RBFOX1: variants seen among roughly 807,000 people sequenced by gnomAD.
RBFOX1 encodes the protein RNA binding fox-1 homolog 1.
RBFOX1 carries 8 observed loss-of-function variants against 57.7 expected under a neutral mutation model. That is an observed-to-expected ratio of 0.14 (90% CI 0.08 to 0.25). The LOEUF (loss-of-function observed/expected upper bound fraction) is 0.25, where lower values mean the gene tolerates loss of function less well. Ranked by LOEUF, RBFOX1 falls within the 10% of genes least tolerant of loss-of-function variation. The probability of loss-of-function intolerance (pLI) is 1.00; values close to 1 mark genes in which losing one functional copy is unlikely to be tolerated. For synonymous variants in RBFOX1, 326 were observed against 222.4 expected (o/e 1.47, Z -4.15); for missense variants, 611 against 548.5 (o/e 1.11, Z -1.14).
chr16:5,410,227 TG>T (rs1464367347), intron 1 of RBFOX1, among the ~76,000 whole-genome samples: 2 of 151,578 alleles, frequency 1.3e-5, no homozygotes, highest in African/African-American at 4.8e-5. Flanking sequence ...AAAAATTAGC[TG>T]GGCATGGTGG....
At chr16:6,654,005 A>G (rs956190989) in intron 2 of RBFOX1, among the ~76,000 whole-genome samples, 5 of 148,222 alleles carry the variant, frequency 3.4e-5, no homozygotes, top group Non-Finnish European at 7.5e-5. Context: ...GGATGGATGG[A>G]TAGAGGAAGG....
intron 3 of RBFOX1, among the ~76,000 whole-genome samples, chr16:6,830,399 G>A (rs1433294240): frequency 1.3e-5 from 2 of 152,040 alleles, no homozygotes; most frequent in African/African-American, 4.8e-5. Flanking sequence ...TTTACTAACG[G>A]GAAGTAATAA....
chr16:7,348,913 G>C (rs1434158168), intron 4 of RBFOX1, among the ~76,000 whole-genome samples: 1 of 152,108 alleles, frequency 6.6e-6, no homozygotes, highest in Non-Finnish European at 1.5e-5. Context: ...CTGCACTCCA[G>C]CCTGGGTGAC....
chr16:6,493,778 C>G (rs1436196976), intron 2 of RBFOX1, among the ~76,000 whole-genome samples: 1 of 152,204 alleles, frequency 6.6e-6, no homozygotes, highest in Non-Finnish European at 1.5e-5. Context: ...CAGATTGCTT[C>G]AGAAACCTGT....
intron 2 of RBFOX1, among the ~76,000 whole-genome samples, chr16:5,504,211 A>G (rs377378015): frequency 1.9e-4 from 29 of 152,306 alleles, no homozygotes; most frequent in African/African-American, 6.7e-4. Context: ...CCCCTGGAGC[A>G]TGTCACCTGA....
chr16:5,573,680 G>A (rs564963743), intron 2 of RBFOX1, among the ~76,000 whole-genome samples: 13 of 152,274 alleles, frequency 8.5e-5, no homozygotes, highest in East Asian at 3.9e-4. Context: ...GAAACAGACC[G>A]GCTGGACGCA....
At chr16:6,410,210 G>A (rs2093414084) in intron 2 of RBFOX1, among the ~76,000 whole-genome samples, 1 of 149,800 alleles carries the variant, frequency 6.7e-6, no homozygotes, top group Non-Finnish European at 1.5e-5. Flanking sequence ...GTGTGCTGGT[G>A]CATATGAATG....
intron 3 of RBFOX1, among the ~76,000 whole-genome samples, chr16:6,956,492 AT>A (rs756619492): frequency 1.2e-4 from 18 of 152,094 alleles, no homozygotes; most frequent in Non-Finnish European, 2.1e-4. Flanking sequence ...GGTATTGAAG[AT>A]TTTAATTTCA....
rs550173973 is a variant in RBFOX1, at chr16:6,270,960, G to T, written c.-126-46035G>T. 9.2e-4 allele frequency among the ~76,000 whole-genome samples: 140 copies of T among 152,308 alleles called. 1 individual carries two copies. In the Middle Eastern group the frequency reaches 0.014, roughly 15 times the overall value. On this transcript the variant is annotated intron_variant, in intron 1 of 15. Coordinates refer to ENST00000550418, the MANE Select transcript of RBFOX1 (RefSeq NM_018723.4). Reference sequence around the variant, plus strand: ...CGAATAAATTCCATGGATTAAAGAAGGAGTCTCCAGGAAAATAAATAAGTG... The same window carrying T: ...CGAATAAATTCCATGGATTAAAGAATGAGTCTCCAGGAAAATAAATAAGTG...
intron 1 of RBFOX1, among the ~76,000 whole-genome samples, chr16:6,043,037 G>C (rs1404642517): frequency 6.9e-6 from 1 of 144,884 alleles, no homozygotes; most frequent in Non-Finnish European, 1.5e-5. Flanking sequence ...AGAATCGCTT[G>C]AACCTGGGAG....
intron 1 of RBFOX1, among the ~76,000 whole-genome samples, chr16:6,144,857 C>G (rs956832864): frequency 1.3e-5 from 2 of 152,170 alleles, no homozygotes; most frequent in Admixed American, 1.3e-4. Context: ...AATCATCCCT[C>G]TTATGCAAGT....
chr16:7,143,946 G>GT (rs558590142), intron 4 of RBFOX1, among the ~76,000 whole-genome samples: 8 of 151,924 alleles, frequency 5.3e-5, no homozygotes, highest in Admixed American at 2.6e-4. Context: ...AATCTTGTTA[G>GT]TTTTTTTTCT....
chr16:6,506,907 C>T (rs987421437), intron 2 of RBFOX1, among the ~76,000 whole-genome samples: 1 of 152,114 alleles, frequency 6.6e-6, no homozygotes, highest in Non-Finnish European at 1.5e-5. Flanking sequence ...CTTGGCCTCC[C>T]AAAGTGCTGG....
intron 5 of RBFOX1, among the ~76,000 whole-genome samples, chr16:7,539,800 G>A (rs1293509514): frequency 6.6e-6 from 1 of 152,192 alleles, no homozygotes; most frequent in African/African-American, 2.4e-5. Flanking sequence ...TGAAAGACGA[G>A]AGAGGAGTCA....
intron 4 of RBFOX1, among the ~76,000 whole-genome samples, chr16:7,420,582 A>G (rs889016696): frequency 6.6e-6 from 1 of 151,868 alleles, no homozygotes; most frequent in Non-Finnish European, 1.5e-5. Context: ...TATTATTTGT[A>G]TCTTTTTTTT....
chr16:6,268,945 A>G (rs1289551018), intron 1 of RBFOX1, among the ~76,000 whole-genome samples: 1 of 152,212 alleles, frequency 6.6e-6, no homozygotes, highest in African/African-American at 2.4e-5. Context: ...AAAATGGCAT[A>G]GTGTTTGCAT....
chr16:7,344,064 C>G lies in RBFOX1; in HGVS notation c.28-174083C>G, dbSNP rs9932672. ...CTTCTACTGGCTAAGAGTATGAGCC[C>G]TTGAGCCAGACTGCCTGGGTTAGAA... is the stretch of plus-strand genomic sequence containing the variant. On this transcript the variant is annotated intron_variant, in intron 4 of 15. Coordinates refer to ENST00000550418, the MANE Select transcript of RBFOX1 (RefSeq NM_018723.4). 4.3e-3 allele frequency among the ~76,000 whole-genome samples: 629 copies of G among 147,980 alleles called. 3 individuals are homozygous for G. Among genetic ancestry groups the G allele is most frequent in the African/African-American group, 0.015 (607 of 39,904 alleles).
At chr16:7,011,736 G>A (rs576299440) in intron 3 of RBFOX1, among the ~76,000 whole-genome samples, 1 of 152,094 alleles carries the variant, frequency 6.6e-6, no homozygotes, top group African/African-American at 2.4e-5. Context: ...GGATGGTCTC[G>A]ATCTCCTGAC....
chr16:6,636,416 C>T (rs1020960209), intron 2 of RBFOX1, among the ~76,000 whole-genome samples: 4 of 152,090 alleles, frequency 2.6e-5, no homozygotes, highest in Middle Eastern at 3.4e-3. Context: ...GTGATCAGCC[C>T]GGCTCGGCCT....
Sources: gnomAD v4.1 joint callset for allele counts (sites outside exome capture counted in the v4.1 genomes callset) on GRCh38, gnomAD v4.1.1 for gene constraint, MANE v1.5 for transcripts, NCBI Gene and HGNC (gene_info 2026-07-23, HGNC 2026-07-21) for gene names.